RABGAP1L: variants seen among roughly 807,000 people sequenced by gnomAD.
RABGAP1L encodes the protein RAB GTPase activating protein 1 like.
Under a neutral mutation model 137.7 loss-of-function variants are expected in RABGAP1L, and 63 were observed. The ratio of observed to expected loss-of-function variants is 0.46; its 90% CI spans 0.37 to 0.56. The LOEUF (loss-of-function observed/expected upper bound fraction) is 0.56. Ranked by LOEUF, RABGAP1L falls within the 20% of genes least tolerant of loss-of-function variation. RABGAP1L has a pLI of 0.00. For synonymous variants in RABGAP1L, 431 were observed against 433.7 expected, an observed-to-expected ratio of 0.99 and a Z score of 0.08; for missense variants, 1,095 against 1,244.0, an observed-to-expected ratio of 0.88 and a Z score of 1.80.
In RABGAP1L at chr1:174,909,863, G is replaced by A. The variant is rs535236152; in HGVS notation, c.2341-47594G>A. Among the ~76,000 whole-genome samples, 28 of 152,286 alleles carry A rather than the reference G, an allele frequency of 1.8e-4. No individual in the cohort carries two copies. The Middle Eastern group carries it at 0.017, about 92-fold the overall frequency. ...CAATAACAAGTAGTGAGATCAGCCG[G>A]GTGTGGTGGCTCATGCCTGTAATCC... On this transcript the variant is annotated intron_variant, in intron 19 of 25. Transcript: ENST00000681986.
chr1:174,957,723 CTTTT>C (rs34143059), intron 20 of RABGAP1L, 174 bp downstream of exon 20: 1,532 of 503,916 alleles, frequency 3.0e-3, no homozygotes, highest in Middle Eastern at 4.0e-3. Context: ...AGCAAAGTAC[CTTTT>C]TTTTTTTTTT....
chr1:174,488,595 A>G (rs567853970), intron 13 of RABGAP1L, among the ~76,000 whole-genome samples: 3 of 152,052 alleles, frequency 2.0e-5, no homozygotes, highest in South Asian at 2.1e-4. Flanking sequence ...ATTCTTTGCT[A>G]TTATCTCTTT....
intron 13 of RABGAP1L, among the ~76,000 whole-genome samples, chr1:174,490,379 G>C (rs1427489552): frequency 1.3e-5 from 2 of 152,138 alleles, no homozygotes; most frequent in Admixed American, 6.5e-5. Context: ...GAAGAGTTCT[G>C]TGGATTACCA....
intron 13 of RABGAP1L, among the ~76,000 whole-genome samples, chr1:174,450,804 T>C (rs927824886): frequency 6.6e-6 from 1 of 152,196 alleles, no homozygotes; most frequent in African/African-American, 2.4e-5. Context: ...AACTACTGAG[T>C]ATTTTTCTTC....
chr1:174,849,196 CTCACGCTG>C (rs1181011246), intron 19 of RABGAP1L, among the ~76,000 whole-genome samples: 1 of 152,150 alleles, frequency 6.6e-6, no homozygotes, highest in Non-Finnish European at 1.5e-5. Context: ...TTCTGCGTGG[CTCACGCTG>C]GGAGCTGTAG....
chr1:174,973,861 T>G (rs1275286860), intron 21 of RABGAP1L, among the ~76,000 whole-genome samples: 1 of 152,116 alleles, frequency 6.6e-6, no homozygotes, highest in Non-Finnish European at 1.5e-5. Context: ...GTTGCAGTCT[T>G]CTTTATTAGC....
intron 15 of RABGAP1L, among the ~76,000 whole-genome samples, chr1:174,699,082 C>T (rs544771022): frequency 6.6e-6 from 1 of 152,098 alleles, no homozygotes; most frequent in South Asian, 2.1e-4. Context: ...CAACCTCCAC[C>T]TCCCAGGCTC....
chr1:174,600,625 G>C (rs1670335211), intron 13 of RABGAP1L, among the ~76,000 whole-genome samples: 1 of 152,136 alleles, frequency 6.6e-6, no homozygotes, highest in Admixed American at 6.5e-5. Context: ...AAATTTTAAG[G>C]CTCCAAAATG....
At chr1:174,316,720 C>T (rs1250524101) in intron 11 of RABGAP1L, among the ~76,000 whole-genome samples, 1 of 152,196 alleles carries the variant, frequency 6.6e-6, no homozygotes, top group African/African-American at 2.4e-5. Context: ...CCAGCCATGC[C>T]TGTGTCCTTC....
intron 13 of RABGAP1L, among the ~76,000 whole-genome samples, chr1:174,534,100 G>C (rs1572205046): frequency 2.6e-5 from 4 of 151,616 alleles, no homozygotes; most frequent in Admixed American, 2.6e-4. Context: ...TAGGGCCAGT[G>C]CCCCAACTCC....
intron 13 of RABGAP1L, among the ~76,000 whole-genome samples, chr1:174,528,114 ATT>A (rs971096936): frequency 5.9e-5 from 9 of 151,888 alleles, no homozygotes; most frequent in African/African-American, 2.2e-4. Flanking sequence ...GTCTATATCT[ATT>A]AAGTGAAGAG....
intron 11 of RABGAP1L, among the ~76,000 whole-genome samples, chr1:174,368,864 A>G (rs903486983): frequency 1.3e-5 from 2 of 152,140 alleles, no homozygotes; most frequent in Non-Finnish European, 2.9e-5. Flanking sequence ...AATTTGAAAG[A>G]TTTTCTGTCA....
intron 13 of RABGAP1L, among the ~76,000 whole-genome samples, chr1:174,470,782 A>G (rs1657828225): frequency 6.6e-6 from 1 of 151,960 alleles, no homozygotes; most frequent in Non-Finnish European, 1.5e-5. Flanking sequence ...GAAAAAAAAA[A>G]TCAAAATAAA....
At chr1:174,896,441 T>G (rs955668879) in intron 19 of RABGAP1L, among the ~76,000 whole-genome samples, 3 of 152,224 alleles carry the variant, frequency 2.0e-5, no homozygotes, top group Admixed American at 1.3e-4. Flanking sequence ...CTCTTTAGTT[T>G]AATTAGATCC....
intron 19 of RABGAP1L, among the ~76,000 whole-genome samples, chr1:174,894,656 C>T (rs950131237): frequency 3.3e-5 from 5 of 152,134 alleles, no homozygotes; most frequent in Admixed American, 1.3e-4. Flanking sequence ...GATTATGGAT[C>T]GAAATGGAGC....
intron 19 of RABGAP1L, among the ~76,000 whole-genome samples, chr1:174,940,671 T>G (rs1253405127): frequency 3.9e-5 from 6 of 152,238 alleles, no homozygotes; most frequent in African/African-American, 1.4e-4. Context: ...TTTACTATTT[T>G]AAAACCTCAG....
At chr1:174,572,540 G>T (rs1281477813) in intron 13 of RABGAP1L, among the ~76,000 whole-genome samples, 1 of 151,834 alleles carries the variant, frequency 6.6e-6, no homozygotes, top group Non-Finnish European at 1.5e-5. Context: ...GCACCACCAC[G>T]CCCAGCTAAT....
At chr1:174,957,967 GA>G in intron 20 of RABGAP1L, 1 of 1,569,648 alleles carries the variant, frequency 6.4e-7, no homozygotes, top group Non-Finnish European at 8.6e-7. Context: ...AAAGAGAGGG[GA>G]AAAAGAAAGT....
chr1:174,986,086 G>A lies in RABGAP1L; in HGVS notation c.2806-2555G>A, dbSNP rs1440948251. Reference sequence around the variant, plus strand: ...CCCAAGTACATGGGATTACAGTCACGCGCCTCCACACCCGGCTAATTTTTG... The same window carrying A: ...CCCAAGTACATGGGATTACAGTCACACGCCTCCACACCCGGCTAATTTTTG... On this transcript the variant is annotated intron_variant, in intron 24 of 25. Coordinates refer to ENST00000681986, the MANE Select transcript of RABGAP1L (RefSeq NM_001366446.1). Among the ~76,000 whole-genome samples the A allele has an allele frequency of 4.7e-4, 71 of 152,022 alleles. 1 individual carries two copies. Among genetic ancestry groups the A allele is most frequent in the Admixed American group, 4.5e-3 (69 of 15,260 alleles).
Sources: allele counts gnomAD v4.1 joint callset (sites outside exome capture counted in the v4.1 genomes callset), GRCh38; gene constraint gnomAD v4.1.1; transcripts MANE v1.5; gene names NCBI Gene and HGNC (gene_info 2026-07-23, HGNC 2026-07-21).